Variants in SF3B3 observed in about 807,000 individuals in gnomAD.
The protein encoded by SF3B3 is SAP 130.
Under a neutral mutation model 139.2 loss-of-function variants are expected in SF3B3, and 33 were observed. The observed-to-expected ratio is 0.24, with a 90% CI of 0.18 to 0.32. SF3B3 has a LOEUF of 0.32. Ranked by LOEUF, SF3B3 falls within the 10% of genes least tolerant of loss-of-function variation. The pLI, the probability that SF3B3 is intolerant of heterozygous loss-of-function variation, is 1.00. For missense variants in SF3B3, 818 were observed against 1,509.4 expected, an observed-to-expected ratio of 0.54 and a Z score of 7.59; for synonymous variants, 596 against 563.6, an observed-to-expected ratio of 1.06 and a Z score of -0.81.
intron 8 of SF3B3, 25 bp downstream of exon 8, chr16:70,539,232 G>A (rs761101078): frequency 1.3e-6 from 2 of 1,512,282 alleles, no homozygotes; most frequent in African/African-American, 1.4e-5. Context: ...TGTTACCCTA[G>A]TTCACCCTGG....
intron 8 of SF3B3, among the ~76,000 whole-genome samples, chr16:70,540,472 A>C (rs1038494453): frequency 6.6e-6 from 1 of 152,006 alleles, no homozygotes; most frequent in Non-Finnish European, 1.5e-5. Flanking sequence ...GGCTCACTGC[A>C]TCCTCGACCT....
intron 6 of SF3B3, among the ~76,000 whole-genome samples, chr16:70,536,309 A>G (rs2151779088): frequency 6.6e-6 from 1 of 152,130 alleles, no homozygotes; most frequent in Non-Finnish European, 1.5e-5. Context: ...CCAGGATTAC[A>G]GGCATGCACT....
chr16:70,539,083 G>GA (rs2050195031), intron 7 of SF3B3, 21 bp from the exon 8 acceptor site: 1 of 1,552,470 alleles, frequency 6.4e-7, no homozygotes, highest in African/African-American at 1.4e-5. Flanking sequence ...TTGTACACCA[G>GA]AATGTTTCTT....
In SF3B3 at chr16:70,528,942, C is replaced by T. The variant is rs571185032; in HGVS notation, c.140C>T (p.Thr47Ile). The T allele has an allele frequency of 6.2e-7, 1 of 1,614,130 alleles. No individual in the cohort carries two copies. The highest frequency in any genetic ancestry group is 8.5e-7 in the Non-Finnish European group (1 of 1,179,966). Residue 47 changes from threonine (T) to isoleucine (I), a missense_variant, in exon 3 of 26, where the codon ACT becomes ATT. Physicochemically the swap from Thr to Ile is moderately conservative, Grantham distance 89 (BLOSUM62 -1). This residue lies in a region of SF3B3 where 144 missense variants were observed against 259.2 expected (regional missense o/e 0.56). Coordinates refer to ENST00000302516, the MANE Select transcript of SF3B3 (RefSeq NM_012426.5). ...ILELLRPDPN[T>I]GKVHTLLTVE... is the part of the protein sequence containing the mutation. ...GAGCTGCTTCGCCCAGACCCCAACA[C>T]TGGCAAAGTACATACCCTACTCACT...
Position 70,535,430 on chromosome 16 carries a change from T to G in SF3B3, c.825+10T>G. 2.1e-6 allele frequency: 3 copies of G among 1,463,046 alleles called. No individual in the cohort carries two copies. The South Asian group carries it at 3.5e-5, about 17-fold the overall frequency. The allele number at this position is 1,463,046 out of a possible 1,614,324, so 90.6% of individuals were successfully genotyped here. A position where few individuals can be genotyped will look rare whatever the true frequency, so the allele number is the denominator to read the frequency against. ...AATTCCCAGGAGGCGGGTAAGATCT[T>G]TGATATAAGAAGAGAGAGATTTGTG... On this transcript the variant is annotated intron_variant, in intron 6 of 25. Coordinates refer to ENST00000302516, the MANE Select transcript of SF3B3 (RefSeq NM_012426.5).
rs1302564488 is a variant in SF3B3, at chr16:70,554,444, A to C, written c.1403-2A>C. ...AACCAACTCCCTTCTTTTCTTTTTC[A>C]GATGAGTTTGATGCCTACATCATTG... On this transcript the variant is annotated splice_acceptor_variant, in intron 11 of 25. Transcript: ENST00000302516. LOFTEE classifies it high-confidence loss of function. The C allele has an allele frequency of 6.2e-7, 1 of 1,613,816 alleles. No individual in the cohort carries two copies. Among genetic ancestry groups the C allele is most frequent in the Non-Finnish European group, 8.5e-7 (1 of 1,179,864 alleles).
In SF3B3 at chr16:70,544,500, A is replaced by G; in HGVS notation, c.1296A>G (p.Arg432=). ...QLYVACGRGP[R]SSLRVLRHGL... ...ATGTGGCCTGTGGTAGGGGACCCCG[A>G]TCATCTCTGAGAGTCCTAAGACATG... Residue 432 remains arginine, a synonymous_variant, in exon 10 of 26, where the codon CGA becomes CGG. Transcript: ENST00000302516. The G allele has an allele frequency of 6.2e-7, 1 of 1,611,662 alleles. No individual in the cohort carries two copies. The highest frequency in any genetic ancestry group is 8.5e-7 in the Non-Finnish European group (1 of 1,177,778).
rs762146657 is a variant in SF3B3, at chr16:70,528,997, C to T, written c.195C>T (p.Leu65=). The change falls in exon 3 of 26, where the codon CTC becomes CTT. Residue 65 remains leucine, a synonymous_variant. Coordinates refer to ENST00000302516, the MANE Select transcript of SF3B3 (RefSeq NM_012426.5). ...AAGTATTCGGTGTTATCCGGTCACTCATGGCCTTTAGGCTGACAGGTGGCA... is the reference window on the plus strand; with the variant it reads ...AAGTATTCGGTGTTATCCGGTCACTTATGGCCTTTAGGCTGACAGGTGGCA... The part of the protein sequence containing the change: ...TVEVFGVIRS[L]MAFRLTGGTK... 8 of 1,614,070 alleles carry T rather than the reference C, an allele frequency of 5.0e-6. No individual in the cohort carries two copies. In the African/African-American group the frequency reaches 9.3e-5, roughly 19 times the overall value.
At chr16:70,556,863 T>A in intron 14 of SF3B3, 23 bp from the exon 15 acceptor site, 1 of 1,613,816 alleles carries the variant, frequency 6.2e-7, no homozygotes, top group Non-Finnish European at 8.5e-7. Context: ...TCTGTGTTTT[T>A]ATGATTTTTC....
At chr16:70,564,154 T>G in intron 18 of SF3B3, 104 bp downstream of exon 18, 1 of 1,196,132 alleles carries the variant, frequency 8.4e-7, no homozygotes, top group Non-Finnish European at 1.2e-6. Flanking sequence ...GAGGATTGCT[T>G]GAGGCCACTA....
intron 17 of SF3B3, 39 bp from the exon 18 acceptor site, chr16:70,563,837 G>C (rs200963544): frequency 1.2e-6 from 2 of 1,602,048 alleles, no homozygotes; most frequent in Non-Finnish European, 1.7e-6. Context: ...TTCTGGGTCC[G>C]AGTGAGTATT....
At chr16:70,542,966 G>T (rs945499548) in intron 9 of SF3B3, among the ~76,000 whole-genome samples, 1 of 152,000 alleles carries the variant, frequency 6.6e-6, no homozygotes, top group Non-Finnish European at 1.5e-5. Context: ...CTCGTGATCC[G>T]CCTGCCTTGG....
intron 3 of SF3B3, 35 bp downstream of exon 3, chr16:70,529,234 G>A (rs1331089262): frequency 1.3e-6 from 2 of 1,542,468 alleles, no homozygotes; most frequent in African/African-American, 1.4e-5. Flanking sequence ...TATATGCCTA[G>A]TTTAGGATAA....
rs751038242 is a variant in SF3B3, at chr16:70,555,024, C to G, written c.1555-27C>G. The G allele has an allele frequency of 2.5e-6, 4 of 1,606,700 alleles. No homozygotes were observed. The African/African-American group carries it at 5.4e-5, about 22-fold the overall frequency. On this transcript the variant is annotated intron_variant, in intron 12 of 25. Coordinates refer to ENST00000302516, the MANE Select transcript of SF3B3 (RefSeq NM_012426.5). ...GAGTGATGAATCAAATTGTTAAAGT[C>G]AGGTTTCTTTCTGTTACTGACTCTA...
chr16:70,571,212 A>G lies in SF3B3; in HGVS notation c.3513+13A>G. On this transcript the variant is annotated intron_variant, in intron 25 of 25. Transcript: ENST00000302516. ...CTTCCCTGTGAAGGTAGGTTGGGGG[A>G]ATCTGAGCTGAAAAGGGAGATCTGA... 6.4e-7 allele frequency: 1 copy of G among 1,562,728 alleles called. No individual in the cohort carries two copies. Among genetic ancestry groups the G allele is most frequent in the Admixed American group, 1.7e-5 (1 of 59,920 alleles).
intron 6 of SF3B3, 31 bp from the exon 7 acceptor site, chr16:70,538,292 A>G: frequency 1.2e-6 from 2 of 1,604,140 alleles, no homozygotes; most frequent in Non-Finnish European, 1.7e-6. Flanking sequence ...ACCCATTTCT[A>G]AGACATTGAT....
chr16:70,551,625 C>T (rs1354907472), intron 11 of SF3B3, among the ~76,000 whole-genome samples: 1 of 152,192 alleles, frequency 6.6e-6, no homozygotes, highest in Admixed American at 6.5e-5. Context: ...TCGCTTGAAC[C>T]TGGGAGGCGG....
intron 8 of SF3B3, among the ~76,000 whole-genome samples, chr16:70,540,886 G>T (rs980205574): frequency 4.6e-5 from 7 of 151,994 alleles, no homozygotes; most frequent in African/African-American, 1.7e-4. Flanking sequence ...TTTCACTATT[G>T]GGAACAATGC....
chr16:70,565,465 G>A lies in SF3B3; in HGVS notation c.2767G>A (p.Gly923Ser), dbSNP rs764357323. 13 of 1,614,164 alleles carry A rather than the reference G, an allele frequency of 8.1e-6. No individual in the cohort carries two copies. The South Asian group carries it at 1.4e-4, about 18-fold the overall frequency. Residue 923 changes from glycine (G) to serine (S), a missense_variant, in exon 20 of 26, where the codon GGC becomes AGC. Around this residue, in one of 14 missense-constraint regions of SF3B3, gnomAD observed 145 missense variants for 153.6 expected, o/e 0.94. Transcript: ENST00000302516. ...LILNPRSVAG[G>S]FVYTYKLVNN... ...ACTAAACCCCCGATCTGTGGCAGGGGGCTTCGTCTATACTTACAAGCTTGT... is the reference window on the plus strand; with the variant it reads ...ACTAAACCCCCGATCTGTGGCAGGGAGCTTCGTCTATACTTACAAGCTTGT...
Sources: gnomAD v4.1 joint callset for allele counts (sites outside exome capture counted in the v4.1 genomes callset) on GRCh38, gnomAD v4.1.1 for gene constraint, gnomAD v4.1.1 regional missense constraint, MANE v1.5 for transcripts, NCBI Gene and HGNC (gene_info 2026-07-23, HGNC 2026-07-21) for gene names.